OSBP2: variants seen among roughly 807,000 people sequenced by gnomAD.
OSBP2 encodes oxysterol binding protein 2.
A neutral mutation model predicts 96.0 loss-of-function variants in OSBP2; 66 were observed. The observed-to-expected ratio is 0.69, with a 90% CI of 0.56 to 0.84. OSBP2 has a LOEUF of 0.84. OSBP2 is among the 40% of genes least tolerant of loss of function. OSBP2 has a pLI of 0.00. For missense variants in OSBP2, 1,038 were observed against 1,222.7 expected (o/e 0.85, Z 2.25); for synonymous variants, 525 against 520.9 (o/e 1.01, Z -0.11).
rs1210166707 is a variant in OSBP2 at position 30,890,309 on chromosome 22, C to G, written c.1624-419C>G. Among the ~76,000 whole-genome samples, 1 of 152,000 alleles carries G rather than the reference C, an allele frequency of 6.6e-6. No individual in the cohort carries two copies. Among genetic ancestry groups the G allele is most frequent in the Non-Finnish European group, 1.5e-5 (1 of 67,990 alleles). On this transcript the variant is annotated intron_variant, in intron 7 of 13. Coordinates refer to ENST00000332585, the MANE Select transcript of OSBP2 (RefSeq NM_030758.4). The surrounding 1 kb of genome is among the most constrained non-coding windows in gnomAD (Gnocchi z 4.4). ...GATAGGGGCCTTGGGCCTAACCCAT[C>G]CTGTGCCGGGCCCCATCACAGCTCG...
chr22:30,853,287 T>G (rs1376519983), intron 2 of OSBP2, among the ~76,000 whole-genome samples: 1 of 152,236 alleles, frequency 6.6e-6, no homozygotes, highest in Non-Finnish European at 1.5e-5. Flanking sequence ...ACCTTTAAGC[T>G]CTGTCACGAG....
In OSBP2 at chr22:30,863,148, C is replaced by T. The variant is rs1200743198; in HGVS notation, c.854-7281C>T. ...GCAGTCACCCAGCAACTGGGCTGTT[C>T]GTTCTCAAACACGGTGACGTTGCTT... is the stretch of plus-strand genomic sequence containing the variant. On this transcript the variant is annotated intron_variant, in intron 2 of 13. Transcript: ENST00000332585. Among the ~76,000 whole-genome samples the T allele has an allele frequency of 4.6e-5, 7 of 152,228 alleles. No homozygotes were observed. The East Asian group carries it at 9.6e-4, about 21-fold the overall frequency.
Position 30,906,348 on chromosome 22 carries a change from C to G in OSBP2, c.*9C>G, listed in dbSNP as rs766119236. ...GCCCCAACATCTTCTGAGCGCCACC[C>G]TTGCAACAAATACAGGCGCCTGCAC... On this transcript the variant is annotated 3_prime_UTR_variant, in exon 14 of 14. Transcript: ENST00000332585. The G allele has an allele frequency of 3.8e-6, 6 of 1,594,040 alleles. No homozygotes were observed. The highest frequency in any genetic ancestry group is 5.1e-6 in the Non-Finnish European group (6 of 1,168,962).
chr22:30,710,985 T>A (rs1602154701), intron 1 of OSBP2, among the ~76,000 whole-genome samples: 1 of 152,196 alleles, frequency 6.6e-6, no homozygotes, highest in Admixed American at 6.6e-5. Context: ...CCTCAGGCGA[T>A]CCGCCTGCCT....
chr22:30,698,149 C>T (rs1207173358), intron 1 of OSBP2, among the ~76,000 whole-genome samples: 4 of 152,160 alleles, frequency 2.6e-5, no homozygotes, highest in Admixed American at 6.6e-5. Context: ...TTTTCGGATG[C>T]GCCAAATGTG....
Position 30,741,174 on chromosome 22 carries a change from A to G in OSBP2, c.658A>G (p.Met220Val). 1 of 1,613,918 alleles carries G rather than the reference A, an allele frequency of 6.2e-7. No homozygotes were observed. The highest frequency in any genetic ancestry group is 8.5e-7 in the Non-Finnish European group (1 of 1,179,852). The change falls in exon 2 of 14, where the codon ATG becomes GTG. Residue 220 changes from methionine to valine, a missense_variant. Coordinates refer to ENST00000332585, the MANE Select transcript of OSBP2 (RefSeq NM_030758.4). ...TACATCCTACAGAAATCAGGGTGAA[A>G]TGGCCCACACGTGCCGTGGAACCAT... is the stretch of plus-strand genomic sequence containing the variant. Reference protein sequence around the residue: ...LLSYYRNQGEMAHTCRGTINL... With the variant: ...LLSYYRNQGEVAHTCRGTINL...
chr22:30,753,190 T>A (rs977234801), intron 2 of OSBP2, among the ~76,000 whole-genome samples: 1 of 152,074 alleles, frequency 6.6e-6, no homozygotes, highest in African/African-American at 2.4e-5. Flanking sequence ...GAAGGGAGAT[T>A]TGCATATGGA....
chr22:30,772,258 C>G (rs1376431820), intron 2 of OSBP2, among the ~76,000 whole-genome samples: 1 of 152,140 alleles, frequency 6.6e-6, no homozygotes, highest in Non-Finnish European at 1.5e-5. Context: ...ACAGCAGCCA[C>G]CTTACATTTT....
At chr22:30,751,851 A>C (rs1010257810) in intron 2 of OSBP2, among the ~76,000 whole-genome samples, 1 of 152,238 alleles carries the variant, frequency 6.6e-6, no homozygotes, top group Non-Finnish European at 1.5e-5. Flanking sequence ...GTGTCGACCC[A>C]AAATGAGGCT....
rs1445949145 is a variant in OSBP2 at position 30,741,201 on chromosome 22, A to G, written c.685A>G (p.Asn229Asp). ...EMAHTCRGTI[N>D]LSTAHIDTED... is the part of the protein sequence containing the mutation. ...GGCCCACACGTGCCGTGGAACCATC[A>G]ACCTGTCCACCGCGCACATTGACAC... Residue 229 changes from asparagine to aspartate, a missense_variant, in exon 2 of 14, where the codon AAC becomes GAC. Physicochemically the swap from Asn to Asp is conservative, Grantham distance 23. This residue lies in a region of OSBP2 where 281 missense variants were observed against 273.4 expected (regional missense o/e 1.03). Transcript: ENST00000332585. 6.2e-7 allele frequency: 1 copy of G among 1,614,162 alleles called. No homozygotes were observed. The highest frequency in any genetic ancestry group is 8.5e-7 in the Non-Finnish European group (1 of 1,180,012).
intron 2 of OSBP2, among the ~76,000 whole-genome samples, chr22:30,842,275 G>A (rs1261193557): frequency 6.6e-6 from 1 of 152,126 alleles, no homozygotes; most frequent in East Asian, 1.9e-4. Context: ...TTCAGTCTGG[G>A]CGACAGAGCA....
chr22:30,830,489 C>T (rs2038498276), intron 2 of OSBP2, among the ~76,000 whole-genome samples: 1 of 152,204 alleles, frequency 6.6e-6, no homozygotes, highest in African/African-American at 2.4e-5. Context: ...CCTGGTCAGG[C>T]CCACTGGGTG....
intron 7 of OSBP2, among the ~76,000 whole-genome samples, chr22:30,889,878 A>G (rs1478474369): frequency 6.6e-6 from 1 of 152,162 alleles, no homozygotes; most frequent in East Asian, 1.9e-4. Flanking sequence ...TGGATCAGCA[A>G]CCTGGGGAGC....
intron 3 of OSBP2, among the ~76,000 whole-genome samples, chr22:30,876,804 G>C (rs932194744): frequency 3.3e-5 from 5 of 152,284 alleles, no homozygotes; most frequent in Non-Finnish European, 7.3e-5. Flanking sequence ...GGAGACCAAG[G>C]CTGAGGGGCT....
intron 2 of OSBP2, among the ~76,000 whole-genome samples, chr22:30,839,076 T>C (rs918649618): frequency 2.1e-5 from 3 of 139,832 alleles, no homozygotes; most frequent in Non-Finnish European, 4.6e-5. Context: ...TCAATTCCCA[T>C]CTATGAGTGA....
intron 2 of OSBP2, chr22:30,822,664 G>C: frequency 6.5e-7 from 1 of 1,533,872 alleles, no homozygotes; most frequent in Non-Finnish European, 8.7e-7. Flanking sequence ...CACGGCCTCC[G>C]TGCGCTCCTT....
chr22:30,805,682 T>C (rs770863542), intron 2 of OSBP2, among the ~76,000 whole-genome samples: 24 of 152,324 alleles, frequency 1.6e-4, no homozygotes, highest in Non-Finnish European at 2.6e-4. Context: ...ATGTTCAAAC[T>C]GTGAAGGCCA....
chr22:30,861,801 G>T (rs545088329), intron 2 of OSBP2, among the ~76,000 whole-genome samples: 1 of 152,328 alleles, frequency 6.6e-6, no homozygotes, highest in African/African-American at 2.4e-5. Context: ...TGCCTCAGGG[G>T]CGCTGCTCCT....
chr22:30,750,419 T>A (rs756503949), intron 2 of OSBP2, among the ~76,000 whole-genome samples: 19 of 152,340 alleles, frequency 1.2e-4, no homozygotes, highest in Admixed American at 2.6e-4. Context: ...GCATTGCTGG[T>A]GGGTCATGTG....
Sources: gnomAD v4.1 joint callset for allele counts (sites outside exome capture counted in the v4.1 genomes callset) on GRCh38, gnomAD v4.1.1 for gene constraint, gnomAD v4.1.1 regional missense constraint, Gnocchi (gnomAD v3.1) non-coding constraint, MANE v1.5 for transcripts, NCBI Gene and HGNC (gene_info 2026-07-23, HGNC 2026-07-21) for gene names.